The following MATN2 variants were observed in gnomAD, a reference collection of about 807,000 sequenced individuals.
MATN2 encodes matrilin-2.
MATN2 carries 69 observed loss-of-function variants against 103.2 expected under a neutral mutation model. The observed-to-expected ratio is 0.67, with a 90% confidence interval of 0.55 to 0.82. The LOEUF (loss-of-function observed/expected upper bound fraction) is 0.82, where lower values mean the gene tolerates loss of function less well. Among genes scored for constraint, MATN2 ranks in the 40% least tolerant of loss-of-function variants. MATN2 has a pLI of 0.00. For synonymous variants in MATN2, 429 were observed against 450.2 expected (o/e 0.95, Z 0.60); for missense variants, 1,023 against 1,211.5 (o/e 0.84, Z 2.31).
intron 6 of MATN2, among the ~76,000 whole-genome samples, chr8:97,987,279 G>A (rs1303893531): frequency 6.6e-6 from 1 of 152,094 alleles, no homozygotes; most frequent in Non-Finnish European, 1.5e-5. Flanking sequence ...CACACACCGG[G>A]GCCTGTAGCA....
At chr8:97,897,504 A>T (rs1458383610) in intron 2 of MATN2, among the ~76,000 whole-genome samples, 2 of 152,272 alleles carry the variant, frequency 1.3e-5, no homozygotes, top group East Asian at 1.9e-4. Flanking sequence ...AGCAATACAC[A>T]TCTAAAGAAC....
chr8:97,948,732 G>A lies in MATN2; in HGVS notation c.835+6833G>A, dbSNP rs541806266. Among the ~76,000 whole-genome samples the A allele has an allele frequency of 3.4e-4, 52 of 152,248 alleles. No individual in the cohort carries two copies. In the South Asian group the frequency reaches 1.0e-2, roughly 29 times the overall value. ...AAAATTAATTGAAAATGTATTCTAA[G>A]CCTAAATGCAAGAGCAGACACTATT... On this transcript the variant is annotated intron_variant, in intron 4 of 18. Coordinates refer to ENST00000254898, the MANE Select transcript of MATN2 (RefSeq NM_002380.5).
At chr8:97,893,664 C>T (rs986908833) in intron 2 of MATN2, among the ~76,000 whole-genome samples, 13 of 151,934 alleles carry the variant, frequency 8.6e-5, no homozygotes, top group African/African-American at 3.1e-4. Context: ...GCAACCTCCG[C>T]CTCCCAGGTT....
At chr8:97,985,673 G>A (rs1405284201) in intron 6 of MATN2, among the ~76,000 whole-genome samples, 8 of 152,170 alleles carry the variant, frequency 5.3e-5, no homozygotes, top group Non-Finnish European at 8.8e-5. Flanking sequence ...TCCTATAGAA[G>A]TGAAATTCTA....
intron 2 of MATN2, among the ~76,000 whole-genome samples, chr8:97,929,053 ACACT>A (rs1022680307): frequency 6.6e-6 from 1 of 152,094 alleles, no homozygotes; most frequent in African/African-American, 2.4e-5. Context: ...CTGTTTTGAG[ACACT>A]CACCCTGGAC....
intron 1 of MATN2, among the ~76,000 whole-genome samples, chr8:97,883,878 C>T (rs1818336982): frequency 6.6e-6 from 1 of 152,076 alleles, no homozygotes; most frequent in South Asian, 2.1e-4. Flanking sequence ...TTTATAGAGA[C>T]AGGGTTTTGC....
At chr8:97,871,628 A>G (rs780244611) in intron 1 of MATN2, among the ~76,000 whole-genome samples, 1 of 152,226 alleles carries the variant, frequency 6.6e-6, no homozygotes, top group Non-Finnish European at 1.5e-5. Context: ...AGGGAGGCTG[A>G]GCATATGCCA....
intron 4 of MATN2, among the ~76,000 whole-genome samples, chr8:97,943,685 G>T (rs1284886724): frequency 1.3e-5 from 2 of 152,032 alleles, no homozygotes; most frequent in East Asian, 3.9e-4. Flanking sequence ...GAACTCCTGA[G>T]CTCAAGTGCT....
In MATN2 at chr8:98,030,461, G is replaced by A. The variant is rs1472672931; in HGVS notation, c.2357-1G>A. ...TGCTCTTAATTTTTCCTGCACCCTA[G>A]GTATCACTATGTATGCTGTTGGGGT... is the stretch of plus-strand genomic sequence containing the variant. On this transcript the variant is annotated splice_acceptor_variant, in intron 14 of 18. Coordinates refer to ENST00000254898, the MANE Select transcript of MATN2 (RefSeq NM_002380.5). LOFTEE classifies it high-confidence loss of function. 2 of 1,611,896 alleles carry A rather than the reference G, an allele frequency of 1.2e-6. No homozygotes were observed. Among genetic ancestry groups the A allele is most frequent in the Non-Finnish European group, 1.7e-6 (2 of 1,179,150 alleles).
rs570966984 is a variant in MATN2, at chr8:97,913,344, T to C, written c.143-17609T>C. ...TTTTTTTTTTTTTTGAGATGGAGTC[T>C]TGCTTTGTTGCCTAGGTTGGAGTGC... On this transcript the variant is annotated intron_variant, in intron 2 of 18. Coordinates refer to ENST00000254898, the MANE Select transcript of MATN2 (RefSeq NM_002380.5). 2.6e-5 allele frequency among the ~76,000 whole-genome samples: 4 copies of C among 151,450 alleles called. No homozygotes were observed. The East Asian group carries it at 7.8e-4, about 29-fold the overall frequency.
At chr8:97,976,389 G>A (rs985330148) in intron 5 of MATN2, among the ~76,000 whole-genome samples, 5 of 152,144 alleles carry the variant, frequency 3.3e-5, no homozygotes, top group Admixed American at 2.6e-4. Flanking sequence ...GATTACAGGC[G>A]TGAGCCACCA....
chr8:97,909,288 C>T (rs536452370), intron 2 of MATN2, among the ~76,000 whole-genome samples: 1 of 152,348 alleles, frequency 6.6e-6, no homozygotes, highest in African/African-American at 2.4e-5. Context: ...TAGAATTTGT[C>T]ATATGAGTCA....
rs764838043 is a variant in MATN2 at position 98,018,037 on chromosome 8, T to G, written c.1740T>G (p.Ile580Met). 8 of 1,613,716 alleles carry G rather than the reference T, an allele frequency of 5.0e-6. No homozygotes were observed. Among genetic ancestry groups the G allele is most frequent in the Non-Finnish European group, 6.8e-6 (8 of 1,179,768 alleles). Residue 580 changes from isoleucine (I) to methionine (M), a missense_variant, in exon 12 of 19, where the codon ATT becomes ATG. Transcript: ENST00000254898. ...CTATAGACCATGGCTGTGAACACAT[T>G]TGTGTGAACAGTGATGACTCATACA... is the stretch of plus-strand genomic sequence containing the variant. ...CQAIDHGCEH[I>M]CVNSDDSYTC...
intron 8 of MATN2, among the ~76,000 whole-genome samples, chr8:98,004,670 G>A (rs1006883630): frequency 1.3e-5 from 2 of 152,238 alleles, no homozygotes; most frequent in African/African-American, 2.4e-5. Flanking sequence ...GCCAGACTGG[G>A]ACAAGAGGCC....
intron 1 of MATN2, among the ~76,000 whole-genome samples, chr8:97,873,034 A>T (rs1171169263): frequency 1.3e-5 from 2 of 152,132 alleles, no homozygotes; most frequent in Non-Finnish European, 2.9e-5. Context: ...ACCTTAGGTG[A>T]TCTGCCCACT....
chr8:98,033,021 C>T, intron 16 of MATN2, 21 bp from the exon 17 acceptor site: 1 of 1,594,138 alleles, frequency 6.3e-7, no homozygotes, highest in African/African-American at 1.4e-5. Flanking sequence ...GGTTTGATTG[C>T]AGTTTTCTTT....
intron 3 of MATN2, among the ~76,000 whole-genome samples, chr8:97,938,578 GC>G (rs1467154372): frequency 6.6e-6 from 1 of 152,188 alleles, no homozygotes; most frequent in Non-Finnish European, 1.5e-5. Flanking sequence ...TGGGGAAATG[GC>G]CAAATAAAAT....
intron 2 of MATN2, among the ~76,000 whole-genome samples, chr8:97,924,427 G>C (rs932194764): frequency 6.6e-6 from 1 of 152,018 alleles, no homozygotes; most frequent in Non-Finnish European, 1.5e-5. Context: ...CCATCTGCTC[G>C]TGGGAACTTT....
chr8:97,975,111 C>T (rs1338200255), intron 5 of MATN2, among the ~76,000 whole-genome samples: 1 of 152,224 alleles, frequency 6.6e-6, no homozygotes, highest in Non-Finnish European at 1.5e-5. Flanking sequence ...TATCAGCATA[C>T]AACCCAGCCA....
Sources: gnomAD v4.1 joint callset for allele counts (sites outside exome capture counted in the v4.1 genomes callset) on GRCh38, gnomAD v4.1.1 for gene constraint, MANE v1.5 for transcripts, NCBI Gene and HGNC (gene_info 2026-07-23, HGNC 2026-07-21) for gene names.